Variants in MTOR observed in about 807,000 individuals in gnomAD.
MTOR encodes serine/threonine-protein kinase mTOR.
Under a neutral mutation model 319.8 loss-of-function variants are expected in MTOR, and 70 were observed. The observed-to-expected ratio is 0.22, with a 90% confidence interval of 0.18 to 0.27. The LOEUF (loss-of-function observed/expected upper bound fraction) is 0.27, where lower values mean the gene tolerates loss of function less well. Among genes scored for constraint, MTOR ranks in the 10% least tolerant of loss-of-function variants. MTOR has a pLI of 1.00. For synonymous variants in MTOR, 1,183 were observed against 1,211.4 expected (o/e 0.98, Z 0.49); for missense variants, 1,890 against 3,274.4 (o/e 0.58, Z 10.32).
At chr1:11,255,846 C>CAAAA (rs35904498) in intron 5 of MTOR, 146 bp downstream of exon 5, 441 of 532,864 alleles carry the variant, frequency 8.3e-4, no homozygotes, top group South Asian at 1.8e-3. Flanking sequence ...GACTCCATCA[C>CAAAA]AAAAAAAAAA....
chr1:11,241,873 C>T (rs1317179731), intron 9 of MTOR, among the ~76,000 whole-genome samples, 192 bp from the exon 10 acceptor site: 1 of 152,172 alleles, frequency 6.6e-6, no homozygotes, highest in African/African-American at 2.4e-5. Flanking sequence ...ATTTCTACAA[C>T]AATCCAGCAG....
chr1:11,176,455 A>G (rs1386962277), intron 28 of MTOR, among the ~76,000 whole-genome samples: 2 of 152,230 alleles, frequency 1.3e-5, no homozygotes, highest in African/African-American at 4.8e-5. Context: ...CGCTCCCATC[A>G]GGAATGTATG....
At position 11,157,718 on chromosome 1, in the gene MTOR, T is replaced by C. The variant is rs1430751058; in HGVS notation, c.4330-427A>G. Among the ~76,000 whole-genome samples the C allele has an allele frequency of 2.0e-5, 3 of 152,172 alleles. No homozygotes were observed. In the East Asian group the frequency reaches 5.8e-4, roughly 29 times the overall value. On this transcript the variant is annotated intron_variant, in intron 29 of 57. Transcript: ENST00000361445. ...GCTGGAGTGCTGACACTGGGCTACT[T>C]GACAGGGATGGCAGCTGCTTTCCTG...
rs1253847462 is a variant in MTOR, at chr1:11,221,945, T to TTA, written c.3031-5713_3031-5712dup. ...GGTTTACAGTATAAATAAAGATAAA[T>TTA]TATATATATATATGTATCTTCATGA... On this transcript the variant is annotated intron_variant, in intron 19 of 57. Transcript: ENST00000361445. 1.9e-3 allele frequency among the ~76,000 whole-genome samples: 289 copies of TTA among 149,890 alleles called. 2 individuals are homozygous for TTA. The highest frequency in any genetic ancestry group is 5.2e-3 in the South Asian group (25 of 4,778).
intron 47 of MTOR, among the ~76,000 whole-genome samples, chr1:11,124,221 T>C (rs1364595469): frequency 6.6e-6 from 1 of 152,242 alleles, no homozygotes; most frequent in Non-Finnish European, 1.5e-5. Context: ...CGAGCCACCA[T>C]GCCCAGCCTT....
In MTOR at chr1:11,259,369, G is replaced by T. The variant is rs752849789; in HGVS notation, c.41C>A (p.Thr14Asn). Residue 14 changes from threonine (T) to asparagine (N), a missense_variant, in exon 2 of 58, where the codon ACC (threonine) becomes AAC (asparagine). Thr to Asn is a moderately conservative substitution (Grantham distance 65, BLOSUM62 0). Coordinates refer to ENST00000361445, the MANE Select transcript of MTOR (RefSeq NM_004958.4). ...CAGGACGCTCACATTGCTAGATGTG[G>T]TGGCAGCGGTGGTGGCGGCGGCAGG... ...TGPAAATTAA[T>N]TSSNVSVLQQ... The T allele has an allele frequency of 6.3e-7, 1 of 1,597,626 alleles. No homozygotes were observed. The highest frequency in any genetic ancestry group is 1.4e-5 in the African/African-American group (1 of 73,756).
chr1:11,182,205 G>A (rs1360069451), intron 28 of MTOR, among the ~76,000 whole-genome samples: 4 of 147,362 alleles, frequency 2.7e-5, no homozygotes, highest in African/African-American at 5.1e-5. Context: ...CAATAAGAGC[G>A]AAACTCCATC....
intron 26 of MTOR, among the ~76,000 whole-genome samples, chr1:11,202,214 G>A (rs889564517): frequency 6.6e-5 from 10 of 152,126 alleles, no homozygotes; most frequent in African/African-American, 2.4e-4. Flanking sequence ...CAGATTGCGA[G>A]GTCAGGAGAT....
intron 29 of MTOR, among the ~76,000 whole-genome samples, chr1:11,159,379 C>T (rs1214725686): frequency 3.3e-5 from 5 of 152,182 alleles, no homozygotes; most frequent in Admixed American, 2.6e-4. Context: ...TGGTGACTCA[C>T]GCCTGTAATC....
intron 5 of MTOR, among the ~76,000 whole-genome samples, chr1:11,254,755 T>C (rs867703941): frequency 7.2e-5 from 11 of 151,804 alleles, no homozygotes; most frequent in Middle Eastern, 3.4e-3. Context: ...TTAACATCTC[T>C]GAAAAGAGAT....
Position 11,130,710 on chromosome 1 carries a change from C to T in MTOR, c.5432G>A (p.Arg1811His), listed in dbSNP as rs751393552. ...ATGACGCAGTTTCTTCTTCTCATCGCGGGCTTGGTTCTGATGTTTGTAGTG... is the reference window on the plus strand; with the variant it reads ...ATGACGCAGTTTCTTCTTCTCATCGTGGGCTTGGTTCTGATGTTTGTAGTG... Reference protein sequence around the residue: ...VLHYKHQNQARDEKKKLRHAS... With the variant: ...VLHYKHQNQAHDEKKKLRHAS... The change falls in exon 39 of 58, where the codon CGC (arginine) becomes CAC (histidine). Residue 1811 changes from arginine to histidine, a missense_variant. By Grantham distance (29) the Arg-to-His change is conservative. Coordinates refer to ENST00000361445, the MANE Select transcript of MTOR (RefSeq NM_004958.4). The T allele has an allele frequency of 6.9e-6, 11 of 1,602,052 alleles. No individual in the cohort carries two copies. Among genetic ancestry groups the T allele is most frequent in the East Asian group, 2.2e-5 (1 of 44,610 alleles).
chr1:11,125,736 A>G (rs1416503827), intron 46 of MTOR, among the ~76,000 whole-genome samples: 1 of 147,878 alleles, frequency 6.8e-6, no homozygotes, highest in Non-Finnish European at 1.5e-5. Flanking sequence ...CTTGGGGAAA[A>G]AAAAAAAAAA....
In MTOR at chr1:11,259,171, C is replaced by CA. The variant is rs529301227; in HGVS notation, c.162+76dup. ...TTTTCCAAATCCTCACTTAGCTGTA[C>CA]AAAAAAAAATGTAAACCAGTGATGG... On this transcript the variant is annotated intron_variant, in intron 2 of 57. Coordinates refer to ENST00000361445, the MANE Select transcript of MTOR (RefSeq NM_004958.4). 3,982 of 1,497,924 alleles carry CA rather than the reference C, an allele frequency of 2.7e-3. 67 individuals are homozygous for CA. In the African/African-American group the frequency reaches 0.04, roughly 15 times the overall value. 92.8% of individuals were successfully genotyped at this position (1,497,924 alleles called of 1,614,324 possible).
At chr1:11,126,416 A>G (rs1642840031) in intron 46 of MTOR, among the ~76,000 whole-genome samples, 2 of 152,158 alleles carry the variant, frequency 1.3e-5, no homozygotes, top group African/African-American at 2.4e-5. Flanking sequence ...CATGCTTCAC[A>G]TAAGCCCAAC....
intron 34 of MTOR, among the ~76,000 whole-genome samples, chr1:11,142,468 T>C (rs1643760106): frequency 1.3e-5 from 2 of 151,978 alleles, no homozygotes; most frequent in Non-Finnish European, 2.9e-5. Flanking sequence ...TTTGTATTTT[T>C]TTCTTTTAGC....
chr1:11,207,469 C>T (rs897626682), intron 25 of MTOR, among the ~76,000 whole-genome samples: 8 of 130,328 alleles, frequency 6.1e-5, no homozygotes, highest in African/African-American at 8.5e-5. Context: ...AGTGCAGTGG[C>T]GCAATCATAG....
At chr1:11,119,410 C>CA (rs537175848) in intron 49 of MTOR, among the ~76,000 whole-genome samples, 8,799 of 143,394 alleles carry the variant, frequency 0.061, 359 homozygotes, top group South Asian at 0.13. Context: ...ATTAAAAATA[C>CA]AAAAAAAAAA....
intron 28 of MTOR, among the ~76,000 whole-genome samples, chr1:11,188,765 T>C (rs1299609590): frequency 6.6e-6 from 1 of 152,252 alleles, no homozygotes; most frequent in Non-Finnish European, 1.5e-5. Flanking sequence ...AGATTTACTC[T>C]ATTCTTCTAT....
In MTOR at chr1:11,115,511, T is replaced by A. The variant is rs1431435901; in HGVS notation, c.7017-43A>T. 15 of 1,582,032 alleles carry A rather than the reference T, an allele frequency of 9.5e-6. No homozygotes were observed. The highest frequency in any genetic ancestry group is 1.3e-5 in the Non-Finnish European group (15 of 1,151,116). ...CAGATCAGGGAGGGATCAACAGAGA[T>A]AACGGATGAAAAAATCAATAAGTAC... On this transcript the variant is annotated intron_variant, in intron 50 of 57. Coordinates refer to ENST00000361445, the MANE Select transcript of MTOR (RefSeq NM_004958.4). The surrounding 1 kb of genome is among the most constrained non-coding windows in gnomAD (Gnocchi z 4.5).
Sources: gnomAD v4.1 joint callset for allele counts (sites outside exome capture counted in the v4.1 genomes callset) on GRCh38, gnomAD v4.1.1 for gene constraint, Gnocchi (gnomAD v3.1) non-coding constraint, MANE v1.5 for transcripts, NCBI Gene and HGNC (gene_info 2026-07-23, HGNC 2026-07-21) for gene names.